RUNX2: variants seen among roughly 807,000 people sequenced by gnomAD.
The protein encoded by RUNX2 is runt-related transcription factor 2.
A neutral mutation model predicts 51.7 loss-of-function variants in RUNX2; 10 were observed. That is an observed-to-expected ratio of 0.19 (90% CI 0.12 to 0.33). RUNX2 has a LOEUF of 0.33. Ranked by LOEUF, RUNX2 falls within the 10% of genes least tolerant of loss-of-function variation. RUNX2 has a pLI of 1.00. For synonymous variants in RUNX2, 276 were observed against 273.6 expected, an observed-to-expected ratio of 1.01 and a Z score of -0.09; for missense variants, 562 against 691.3, an observed-to-expected ratio of 0.81 and a Z score of 2.10.
At chr6:45,436,377 A>G (rs887517141) in intron 4 of RUNX2, among the ~76,000 whole-genome samples, 1 of 152,128 alleles carries the variant, frequency 6.6e-6, no homozygotes, top group Non-Finnish European at 1.5e-5. Context: ...AGTTGTATGA[A>G]CTTGGGTAAA....
chr6:45,504,257 C>CA (rs1182311706), intron 6 of RUNX2, among the ~76,000 whole-genome samples: 1 of 152,228 alleles, frequency 6.6e-6, no homozygotes, highest in African/African-American at 2.4e-5. Flanking sequence ...TGCATGGCTT[C>CA]AGTCATTTCT....
At chr6:45,431,771 T>G (rs1798549026) in intron 3 of RUNX2, 92 bp from the exon 4 acceptor site, 4 of 1,434,574 alleles carry the variant, frequency 2.8e-6, no homozygotes, top group Non-Finnish European at 3.9e-6. Context: ...CACTAAGTCC[T>G]GATAAGACAC....
chr6:45,522,326 A>G (rs1341812487), intron 7 of RUNX2, among the ~76,000 whole-genome samples: 1 of 152,178 alleles, frequency 6.6e-6, no homozygotes, highest in Non-Finnish European at 1.5e-5. Context: ...GATGCCAAAA[A>G]CATGCAAAGA....
chr6:45,530,661 T>A (rs1218994543), intron 7 of RUNX2, among the ~76,000 whole-genome samples: 1 of 152,096 alleles, frequency 6.6e-6, no homozygotes, highest in African/African-American at 2.4e-5. Flanking sequence ...AACTGAGGAC[T>A]CCCCCAGGAA....
intron 7 of RUNX2, among the ~76,000 whole-genome samples, chr6:45,544,386 G>A (rs1203213983): frequency 1.3e-5 from 2 of 152,110 alleles, no homozygotes; most frequent in Non-Finnish European, 2.9e-5. Flanking sequence ...GGAGTGGGGA[G>A]GGGTAAATTC....
In RUNX2 at chr6:45,524,907, T is replaced by C. The variant is rs767053653; in HGVS notation, c.1021+12500T>C. ...GTGGGTGGATCACAAGGTCAAGAGA[T>C]TGAGACCATTCTGGCCAAAATGGTG... On this transcript the variant is annotated intron_variant, in intron 7 of 8. Transcript: ENST00000647337. Among the ~76,000 whole-genome samples the C allele has an allele frequency of 2.0e-5, 3 of 152,214 alleles. No homozygotes were observed. In the South Asian group the frequency reaches 6.2e-4, roughly 32 times the overall value.
intron 5 of RUNX2, among the ~76,000 whole-genome samples, chr6:45,469,054 A>G (rs927089868): frequency 5.3e-5 from 8 of 152,214 alleles, no homozygotes; most frequent in African/African-American, 1.9e-4. Context: ...TTTAGCTTGA[A>G]TGGCATACAC....
rs527780333 is a variant in RUNX2, at chr6:45,490,715, C to G, written c.686-1226C>G. Among the ~76,000 whole-genome samples, 76 of 152,210 alleles carry G rather than the reference C, an allele frequency of 5.0e-4. No individual in the cohort carries two copies. In the South Asian group the frequency reaches 7.1e-3, roughly 14 times the overall value. ...TTTTCATAAACCTTCTTCAAGGTTT[C>G]TTTCTTTTATGGATAATATTCTAAT... On this transcript the variant is annotated intron_variant, in intron 5 of 8. Transcript: ENST00000647337.
At chr6:45,479,290 C>T (rs1476681281) in intron 5 of RUNX2, among the ~76,000 whole-genome samples, 3 of 152,110 alleles carry the variant, frequency 2.0e-5, no homozygotes, top group Admixed American at 6.5e-5. Flanking sequence ...ATAGGTTCTT[C>T]GGTATGTATC....
chr6:45,493,368 G>T (rs1034756467), intron 6 of RUNX2, among the ~76,000 whole-genome samples: 9 of 152,116 alleles, frequency 5.9e-5, no homozygotes, highest in South Asian at 4.1e-4. Context: ...GGGTTGAAAG[G>T]TCAATGTGTT....
At chr6:45,397,116 T>C (rs1797598762) in intron 2 of RUNX2, among the ~76,000 whole-genome samples, 1 of 151,992 alleles carries the variant, frequency 6.6e-6, no homozygotes, top group Non-Finnish European at 1.5e-5. Flanking sequence ...ACTTTTTTTT[T>C]TTTTTGAGAC....
chr6:45,351,014 C>T (rs369352030), intron 2 of RUNX2, among the ~76,000 whole-genome samples: 1 of 152,076 alleles, frequency 6.6e-6, no homozygotes, highest in Admixed American at 6.6e-5. Context: ...AAGTTCTGCG[C>T]TCCTTATGAG....
intron 2 of RUNX2, among the ~76,000 whole-genome samples, chr6:45,400,221 A>G (rs184499165): frequency 1.8e-4 from 27 of 149,460 alleles, no homozygotes; most frequent in African/African-American, 6.5e-4. Flanking sequence ...GAATGAGGGA[A>G]GGAAGGAAGG....
At chr6:45,510,714 G>T (rs1801115904) in intron 6 of RUNX2, among the ~76,000 whole-genome samples, 1 of 151,790 alleles carries the variant, frequency 6.6e-6, no homozygotes. Flanking sequence ...TTGAAACATG[G>T]AACTTACCCT....
At position 45,416,956 on chromosome 6, in the gene RUNX2, C is replaced by T. The variant is rs116321701; in HGVS notation, c.59-5637C>T. Among the ~76,000 whole-genome samples, 166 of 152,300 alleles carry T rather than the reference C, an allele frequency of 1.1e-3. 1 individual carries two copies. Among genetic ancestry groups the T allele is most frequent in the Non-Finnish European group, 9.0e-4 (61 of 68,032 alleles). On this transcript the variant is annotated intron_variant, in intron 2 of 8. Transcript: ENST00000647337. ...AAGGTTTATGATGCTAAGTCCTCCA[C>T]TACAAACATTTCATCTCTTGTTACA...
At chr6:45,536,196 G>A (rs1251753103) in intron 7 of RUNX2, among the ~76,000 whole-genome samples, 3 of 152,002 alleles carry the variant, frequency 2.0e-5, no homozygotes, top group Non-Finnish European at 4.4e-5. Context: ...AGCCCCTTAT[G>A]TATTTCCTCC....
chr6:45,378,897 G>C (rs1409571142), intron 2 of RUNX2, among the ~76,000 whole-genome samples: 1 of 151,996 alleles, frequency 6.6e-6, no homozygotes, highest in African/African-American at 2.4e-5. Context: ...AAGAAAACTG[G>C]TTATCCATGC....
intron 2 of RUNX2, among the ~76,000 whole-genome samples, chr6:45,380,434 G>A (rs1463801389): frequency 1.3e-5 from 2 of 152,224 alleles, no homozygotes; most frequent in Non-Finnish European, 2.9e-5. Flanking sequence ...AGACTCACTA[G>A]TGCAAAGAGA....
chr6:45,340,615 C>T (rs1038541448), intron 2 of RUNX2, among the ~76,000 whole-genome samples: 10 of 151,996 alleles, frequency 6.6e-5, no homozygotes, highest in East Asian at 1.9e-4. Context: ...TAAGCCACCG[C>T]ACCTGGCCTT....
Sources: gnomAD v4.1 joint callset for allele counts (sites outside exome capture counted in the v4.1 genomes callset) on GRCh38, gnomAD v4.1.1 for gene constraint, MANE v1.5 for transcripts, NCBI Gene and HGNC (gene_info 2026-07-23, HGNC 2026-07-21) for gene names.